Variants in SORCS2 observed in about 807,000 individuals in gnomAD.
SORCS2 encodes the protein sortilin related VPS10 domain containing receptor 2.
SORCS2 carries 100 observed loss-of-function variants against 141.6 expected under a neutral mutation model. The ratio of observed to expected loss-of-function variants is 0.71; its 90% confidence interval spans 0.60 to 0.83. The LOEUF (loss-of-function observed/expected upper bound fraction) is 0.83. Ranked by LOEUF, SORCS2 falls within the 40% of genes least tolerant of loss-of-function variation. SORCS2 has a pLI of 0.00. For synonymous variants in SORCS2, 789 were observed against 676.9 expected (o/e 1.17, Z -2.57); for missense variants, 1,646 against 1,560.2 (o/e 1.05, Z -0.93).
At chr4:7,593,157 G>A (rs1424200021) in intron 3 of SORCS2, among the ~76,000 whole-genome samples, 2 of 152,136 alleles carry the variant, frequency 1.3e-5, no homozygotes, top group African/African-American at 4.8e-5. Flanking sequence ...ACAGAGCAAG[G>A]CCCTGTTTCA....
At chr4:7,275,319 A>G (rs919340305) in intron 1 of SORCS2, among the ~76,000 whole-genome samples, 2 of 152,198 alleles carry the variant, frequency 1.3e-5, no homozygotes, top group Non-Finnish European at 2.9e-5. Context: ...GGCTCTGCAG[A>G]CAGGTCTGAT....
chr4:7,425,056 TC>T (rs1726332026), intron 2 of SORCS2, among the ~76,000 whole-genome samples: 2 of 152,286 alleles, frequency 1.3e-5, no homozygotes, highest in Non-Finnish European at 1.5e-5. Context: ...TTGGTGCAGT[TC>T]CGGGAGGTGC....
chr4:7,327,806 C>T (rs1719371911), intron 1 of SORCS2, among the ~76,000 whole-genome samples: 1 of 152,208 alleles, frequency 6.6e-6, no homozygotes, highest in African/African-American at 2.4e-5. Context: ...TGTGACCGCC[C>T]CCCCCAACCC....
At position 7,452,877 on chromosome 4, in the gene SORCS2, C is replaced by G. The variant is rs553163778; in HGVS notation, c.548+56522C>G. On this transcript the variant is annotated intron_variant, in intron 2 of 26. Coordinates refer to ENST00000507866, the MANE Select transcript of SORCS2 (RefSeq NM_020777.3). The stretch of plus-strand genomic sequence containing the variant: ...CAGGTGCTGTGTTGGGGTCAGGTGC[C>G]GTGTTGGGGTCAGGCGCTGTGTTGG... Among the ~76,000 whole-genome samples the G allele has an allele frequency of 8.1e-5, 8 of 99,034 alleles. No individual in the cohort carries two copies. In the East Asian group the frequency reaches 1.9e-3, roughly 24 times the overall value. 65.0% of individuals were successfully genotyped at this position (99,034 alleles called of 152,430 possible). A position where few individuals can be genotyped will look rare whatever the true frequency, so the allele number is the denominator to read the frequency against.
At chr4:7,202,159 C>T (rs1474083634) in intron 1 of SORCS2, among the ~76,000 whole-genome samples, 1 of 152,196 alleles carries the variant, frequency 6.6e-6, no homozygotes, top group Non-Finnish European at 1.5e-5. Flanking sequence ...GGCTGTAAAA[C>T]ACAGACTTAG....
intron 2 of SORCS2, among the ~76,000 whole-genome samples, chr4:7,487,505 A>G (rs1731063011): frequency 6.6e-6 from 1 of 152,196 alleles, no homozygotes; most frequent in Non-Finnish European, 1.5e-5. Flanking sequence ...TGTAAATTGT[A>G]AGGAAAAATA....
chr4:7,231,515 GTCCATCCA>G (rs1033388524), intron 1 of SORCS2, among the ~76,000 whole-genome samples: 5 of 152,052 alleles, frequency 3.3e-5, no homozygotes, highest in Admixed American at 6.5e-5. Flanking sequence ...GTCTGCATCT[GTCCATCCA>G]TCCATCCATC....
intron 1 of SORCS2, among the ~76,000 whole-genome samples, chr4:7,313,006 G>A (rs926871555): frequency 6.6e-6 from 1 of 152,260 alleles, no homozygotes; most frequent in Admixed American, 6.5e-5. Flanking sequence ...GGAACAGCAT[G>A]TGTAGCTGGG....
intron 3 of SORCS2, among the ~76,000 whole-genome samples, chr4:7,581,325 C>T (rs988749945): frequency 6.6e-6 from 1 of 151,670 alleles, no homozygotes; most frequent in Non-Finnish European, 1.5e-5. Context: ...TTTACATTGG[C>T]AAAAAAATAC....
At chr4:7,309,510 G>A (rs1434152851) in intron 1 of SORCS2, among the ~76,000 whole-genome samples, 1 of 152,180 alleles carries the variant, frequency 6.6e-6, no homozygotes, top group African/African-American at 2.4e-5. Flanking sequence ...CGACACAGAC[G>A]ATGGGCTCTT....
At chr4:7,722,182 C>T (rs73204724) in intron 18 of SORCS2, among the ~76,000 whole-genome samples, 4,805 of 149,760 alleles carry the variant, frequency 0.032, 102 homozygotes, top group Non-Finnish European at 0.05. Context: ...GAGCGGATCA[C>T]GAGTCCTGAC....
chr4:7,385,490 C>T (rs1215003181), intron 1 of SORCS2, among the ~76,000 whole-genome samples: 1 of 152,182 alleles, frequency 6.6e-6, no homozygotes, highest in Admixed American at 6.5e-5. Flanking sequence ...AGCCTGTTGT[C>T]CTAGCTCCCT....
intron 2 of SORCS2, among the ~76,000 whole-genome samples, chr4:7,474,898 C>T (rs1270824022): frequency 1.3e-5 from 2 of 152,180 alleles, no homozygotes; most frequent in Non-Finnish European, 2.9e-5. Context: ...GGCTGTCCCA[C>T]CTCCTGGTGG....
intron 2 of SORCS2, among the ~76,000 whole-genome samples, chr4:7,466,370 A>T (rs566412772): frequency 3.9e-4 from 60 of 151,996 alleles, no homozygotes; most frequent in African/African-American, 1.4e-3. Flanking sequence ...GGCACCCAGG[A>T]CTCTGCCCAC....
intron 2 of SORCS2, among the ~76,000 whole-genome samples, chr4:7,473,908 C>T (rs1239788463): frequency 1.3e-5 from 2 of 152,218 alleles, no homozygotes; most frequent in Non-Finnish European, 2.9e-5. Context: ...ATTCTGCACA[C>T]AGCAGCCAGA....
intron 2 of SORCS2, among the ~76,000 whole-genome samples, chr4:7,472,864 C>A (rs374121899): frequency 2.6e-5 from 4 of 151,550 alleles, no homozygotes; most frequent in African/African-American, 9.7e-5. Flanking sequence ...TGCCTTCGCT[C>A]AGATGGTGAA....
intron 5 of SORCS2, among the ~76,000 whole-genome samples, chr4:7,658,964 C>A (rs1367874115): frequency 1.3e-5 from 2 of 152,196 alleles, no homozygotes; most frequent in African/African-American, 4.8e-5. Context: ...GAAGTGACTT[C>A]CTCATCTTGA....
At chr4:7,303,733 A>C (rs1717599135) in intron 1 of SORCS2, among the ~76,000 whole-genome samples, 1 of 152,258 alleles carries the variant, frequency 6.6e-6, no homozygotes, top group Admixed American at 6.5e-5. Context: ...CTCAGTCATC[A>C]CTTGCTGAAT....
chr4:7,575,893 C>T (rs1271349468), intron 3 of SORCS2, among the ~76,000 whole-genome samples: 1 of 152,220 alleles, frequency 6.6e-6, no homozygotes, highest in Non-Finnish European at 1.5e-5. Flanking sequence ...GGTGAATTAT[C>T]TGTTGTTTCT....
Sources: allele counts gnomAD v4.1 joint callset (sites outside exome capture counted in the v4.1 genomes callset), GRCh38; gene constraint gnomAD v4.1.1; transcripts MANE v1.5; gene names NCBI Gene and HGNC (gene_info 2026-07-23, HGNC 2026-07-21).